The following PSD3 variants were observed in gnomAD, a reference collection of about 807,000 sequenced individuals.
The protein encoded by PSD3 is PH and SEC7 domain-containing protein 3.
PSD3 carries 49 observed loss-of-function variants against 105.5 expected under a neutral mutation model. That is an observed-to-expected ratio of 0.46 (90% CI 0.37 to 0.59). The LOEUF (loss-of-function observed/expected upper bound fraction) is 0.59, where lower values mean the gene tolerates loss of function less well. Among genes scored for constraint, PSD3 ranks in the 20% least tolerant of loss-of-function variants. PSD3 has a pLI of 0.00. For synonymous variants in PSD3, 557 were observed against 457.8 expected, an observed-to-expected ratio of 1.22 and a Z score of -2.77; for missense variants, 1,561 against 1,263.8, an observed-to-expected ratio of 1.24 and a Z score of -3.57.
At chr8:19,004,852 C>T (rs372140975) in intron 1 of PSD3, among the ~76,000 whole-genome samples, 2 of 151,924 alleles carry the variant, frequency 1.3e-5, no homozygotes, top group East Asian at 3.9e-4. Flanking sequence ...GGGAGTTTGC[C>T]CACACAAGCT....
chr8:18,794,986 C>T (rs1363861169), intron 8 of PSD3, among the ~76,000 whole-genome samples: 1 of 152,056 alleles, frequency 6.6e-6, no homozygotes, highest in African/African-American at 2.4e-5. Flanking sequence ...AAATATTTAT[C>T]CACTATTTAA....
At chr8:18,991,541 G>A (rs1417075761) in intron 1 of PSD3, among the ~76,000 whole-genome samples, 1 of 152,060 alleles carries the variant, frequency 6.6e-6, no homozygotes, top group Non-Finnish European at 1.5e-5. Context: ...TCCAAAATTG[G>A]TAATACCTGT....
chr8:18,780,155 TC>T (rs1277387169), intron 8 of PSD3, among the ~76,000 whole-genome samples: 2 of 152,314 alleles, frequency 1.3e-5, no homozygotes, highest in African/African-American at 4.8e-5. Context: ...GCTGAAATGG[TC>T]CCTCTACCAT....
At chr8:18,636,806 T>A (rs988905965) in intron 10 of PSD3, among the ~76,000 whole-genome samples, 1 of 152,222 alleles carries the variant, frequency 6.6e-6, no homozygotes, top group African/African-American at 2.4e-5. Flanking sequence ...CTAGGAGCAA[T>A]AGGCTATACC....
At chr8:19,010,560 T>G (rs558996377) in intron 1 of PSD3, among the ~76,000 whole-genome samples, 18 of 152,324 alleles carry the variant, frequency 1.2e-4, no homozygotes, top group African/African-American at 4.3e-4. Flanking sequence ...CATTGTAAAT[T>G]GCAACAGCCA....
chr8:18,644,603 G>T (rs1807890528), intron 10 of PSD3, among the ~76,000 whole-genome samples: 1 of 152,150 alleles, frequency 6.6e-6, no homozygotes, highest in Admixed American at 6.5e-5. Context: ...AGAAGTCCCA[G>T]ATGGTCCTTA....
chr8:19,048,932 C>T (rs1414734688), intron 1 of PSD3, among the ~76,000 whole-genome samples: 1 of 152,132 alleles, frequency 6.6e-6, no homozygotes, highest in African/African-American at 2.4e-5. Flanking sequence ...TCTTCTAAAG[C>T]CTCTCTCCTT....
chr8:19,054,413 T>A lies in PSD3; in HGVS notation c.324+29793A>T, dbSNP rs1233119760. ...TCTTTTTGGTGCCTGGAAGAACTTG[T>A]AGCATATGTCAGAGACTGAATAATG... On this transcript the variant is annotated intron_variant, in intron 1 of 1. Transcript: ENST00000521475. 2.0e-5 allele frequency among the ~76,000 whole-genome samples: 3 copies of A among 152,190 alleles called. No homozygotes were observed. In the East Asian group the frequency reaches 5.8e-4, roughly 29 times the overall value.
chr8:18,576,001 T>C (rs1443322399), intron 12 of PSD3, among the ~76,000 whole-genome samples: 3 of 152,186 alleles, frequency 2.0e-5, no homozygotes, highest in African/African-American at 2.4e-5. Flanking sequence ...ACATGCATTC[T>C]GTAAAACACA....
At chr8:18,906,271 G>C (rs879060377) in intron 2 of PSD3, among the ~76,000 whole-genome samples, 1 of 151,984 alleles carries the variant, frequency 6.6e-6, no homozygotes, top group East Asian at 1.9e-4. Flanking sequence ...TGCCTGAAAG[G>C]GTCTCATATT....
chr8:18,844,323 T>G (rs1361109218), intron 4 of PSD3, among the ~76,000 whole-genome samples: 3 of 152,338 alleles, frequency 2.0e-5, no homozygotes, highest in African/African-American at 4.8e-5. Flanking sequence ...ATCTTTTCCC[T>G]GTTGTATTTC....
chr8:18,828,461 A>AT (rs920697270), intron 4 of PSD3, among the ~76,000 whole-genome samples: 25 of 150,518 alleles, frequency 1.7e-4, no homozygotes, highest in South Asian at 4.2e-4. Flanking sequence ...CTTACTCACA[A>AT]TTTTTTTTTT....
chr8:18,897,812 T>C (rs148540325), intron 2 of PSD3, among the ~76,000 whole-genome samples: 42 of 152,344 alleles, frequency 2.8e-4, no homozygotes, highest in African/African-American at 9.6e-4. Context: ...TATTTGAATG[T>C]TGGTATATAG....
intron 2 of PSD3, among the ~76,000 whole-genome samples, chr8:18,902,057 A>G (rs1355707700): frequency 1.3e-5 from 2 of 152,138 alleles, no homozygotes; most frequent in Admixed American, 6.5e-5. Context: ...ATTTATTTGG[A>G]GACTTTTGAG....
chr8:18,753,793 C>G (rs1374910849), intron 9 of PSD3, among the ~76,000 whole-genome samples: 1 of 152,120 alleles, frequency 6.6e-6, no homozygotes, highest in Non-Finnish European at 1.5e-5. Flanking sequence ...CTTAATCAAA[C>G]CAAGTAAACA....
intron 8 of PSD3, among the ~76,000 whole-genome samples, chr8:18,798,384 T>A (rs1810376000): frequency 6.6e-6 from 1 of 152,124 alleles, no homozygotes; most frequent in Non-Finnish European, 1.5e-5. Flanking sequence ...TGCTTTCTGG[T>A]GGTGGAACCC....
At chr8:19,038,138 G>C (rs1278436405) in intron 1 of PSD3, among the ~76,000 whole-genome samples, 3 of 151,994 alleles carry the variant, frequency 2.0e-5, no homozygotes, top group Non-Finnish European at 4.4e-5. Flanking sequence ...GTAATTATCA[G>C]CCAACATGTG....
intron 1 of PSD3, among the ~76,000 whole-genome samples, chr8:19,037,728 C>T (rs1294171803): frequency 6.6e-6 from 1 of 152,078 alleles, no homozygotes; most frequent in Non-Finnish European, 1.5e-5. Context: ...TCTGGGCCTT[C>T]ACACTCAGAA....
chr8:18,916,407 A>T (rs187198135), intron 2 of PSD3, among the ~76,000 whole-genome samples: 61 of 148,886 alleles, frequency 4.1e-4, no homozygotes, highest in African/African-American at 1.4e-3. Flanking sequence ...CTTAAAAATA[A>T]AGAAGAAAAT....
Sources: allele counts gnomAD v4.1 joint callset (sites outside exome capture counted in the v4.1 genomes callset), GRCh38; gene constraint gnomAD v4.1.1; transcripts MANE v1.5; gene names NCBI Gene and HGNC (gene_info 2026-07-23, HGNC 2026-07-21).